ZNG1F: variants seen among roughly 807,000 people sequenced by gnomAD.
ZNG1F encodes Zn regulated GTPase metalloprotein activator 1F, also known as zinc-regulated GTPase metalloprotein activator 1F.
chr9:41,198,821 G>A, the ZNG1F span: 2 of 9,300 alleles, frequency 2.2e-4, no homozygotes, highest in African/African-American at 6.3e-4. Context: ...CCACATGGCT[G>A]GAGAGGCCTC....
At chr9:41,131,635 T>C in the ZNG1F span, 1 of 86,324 alleles carries the variant, frequency 1.2e-5, no homozygotes, top group South Asian at 7.7e-5. Flanking sequence ...TTAAAGTATA[T>C]TGGAATTCGT....
At chr9:41,150,101 G>T in the ZNG1F span, among the ~76,000 whole-genome samples, 1 of 55,388 alleles carries the variant, frequency 1.8e-5, no homozygotes, top group African/African-American at 4.8e-5. Context: ...GTGGGCGCAG[G>T]TCAGTGGGTG....
the ZNG1F span, chr9:41,183,733 G>A: frequency 1.2e-6 from 2 of 1,602,200 alleles, no homozygotes; most frequent in Non-Finnish European, 8.5e-7. Context: ...AAACAAAGAT[G>A]AGGATAACTC....
the ZNG1F span, chr9:41,178,000 CA>C: frequency 2.0e-4 from 22 of 108,386 alleles, no homozygotes; most frequent in Non-Finnish European, 3.7e-5. Context: ...ATATGATCAA[CA>C]CGAAACTAGG....
the ZNG1F span, among the ~76,000 whole-genome samples, chr9:41,154,637 GT>G: frequency 6.8e-6 from 1 of 147,018 alleles, no homozygotes; most frequent in African/African-American, 2.5e-5. Flanking sequence ...AAACAGCATG[GT>G]ACTGGTACCA....
the ZNG1F span, among the ~76,000 whole-genome samples, chr9:41,175,045 A>G: frequency 7.4e-6 from 1 of 135,116 alleles, no homozygotes; most frequent in South Asian, 2.5e-4. Context: ...GACAGCAAGG[A>G]AAGTATTTGA....
At chr9:41,178,659 C>G in the ZNG1F span, among the ~76,000 whole-genome samples, 2 of 23,950 alleles carry the variant, frequency 8.4e-5, no homozygotes, top group Non-Finnish European at 1.8e-4. Context: ...CTCCGCCTCC[C>G]GGGTTCAAGC....
the ZNG1F span, among the ~76,000 whole-genome samples, chr9:41,201,191 T>C: frequency 6.8e-6 from 1 of 146,570 alleles, no homozygotes; most frequent in African/African-American, 2.5e-5. Context: ...TCCATTTCAG[T>C]AAAAATTAAC....
chr9:41,200,836 C>A, the ZNG1F span, among the ~76,000 whole-genome samples: 1 of 152,016 alleles, frequency 6.6e-6, no homozygotes, highest in African/African-American at 2.4e-5. Context: ...ACCATCAGAT[C>A]TTGTGAGACT....
At chr9:41,195,619 A>G in the ZNG1F span, among the ~76,000 whole-genome samples, 1 of 141,618 alleles carries the variant, frequency 7.1e-6, no homozygotes, top group Non-Finnish European at 1.5e-5. Context: ...AAAAGAAAAC[A>G]CCATTCAAAG....
At chr9:41,169,105 C>T in the ZNG1F span, among the ~76,000 whole-genome samples, 3 of 147,542 alleles carry the variant, frequency 2.0e-5, no homozygotes, top group South Asian at 6.5e-4. Flanking sequence ...GATAAATGTC[C>T]TCTTCTATGC....
chr9:41,193,158 C>T, the ZNG1F span, among the ~76,000 whole-genome samples: 173 of 135,812 alleles, frequency 1.3e-3, no homozygotes, highest in South Asian at 0.043. Context: ...AGCCCTTGGG[C>T]TCAATCCAAA....
chr9:41,145,918 C>T, the ZNG1F span: 1 of 119,774 alleles, frequency 8.3e-6, no homozygotes, highest in African/African-American at 3.1e-5. Flanking sequence ...AGAAGATCAA[C>T]ATGGCATAAC....
the ZNG1F span, among the ~76,000 whole-genome samples, chr9:41,180,168 C>CTT: frequency 0.16 from 2,612 of 16,748 alleles, 112 homozygotes; most frequent in African/African-American, 0.19. Flanking sequence ...ATAAACACAG[C>CTT]TTTTTTTTTT....
At chr9:41,157,628 G>T in the ZNG1F span, 1 of 146,424 alleles carries the variant, frequency 6.8e-6, no homozygotes, top group Non-Finnish European at 1.5e-5. Flanking sequence ...AAACATCATT[G>T]GTCAGATTCA....
At chr9:41,152,393 A>C in the ZNG1F span, among the ~76,000 whole-genome samples, 2 of 149,412 alleles carry the variant, frequency 1.3e-5, no homozygotes, top group Non-Finnish European at 3.0e-5. Flanking sequence ...ACTCCTACAC[A>C]ATAATAATGG....
the ZNG1F span, among the ~76,000 whole-genome samples, chr9:41,146,166 G>A: frequency 1.4e-5 from 2 of 145,648 alleles, 1 homozygote; most frequent in South Asian, 4.4e-4. Flanking sequence ...GGTTGCTCAG[G>A]AAAAGATTCT....
At chr9:41,183,475 T>A in the ZNG1F span, 12 of 1,340,900 alleles carry the variant, frequency 8.9e-6, no homozygotes, top group Non-Finnish European at 1.2e-5. Flanking sequence ...CTGTGTAAAT[T>A]CAGTTAAATT....
At chr9:41,141,012 G>A in the ZNG1F span, among the ~76,000 whole-genome samples, 1 of 151,590 alleles carries the variant, frequency 6.6e-6, no homozygotes, top group Non-Finnish European at 1.5e-5. Context: ...ACAAGCATAA[G>A]CCACCACACC....
Sources: gnomAD v4.1 joint callset for allele counts (sites outside exome capture counted in the v4.1 genomes callset) on GRCh38, gnomAD v4.1.1 for gene constraint, MANE v1.5 for transcripts, NCBI Gene and HGNC (gene_info 2026-07-23, HGNC 2026-07-21) for gene names.